Variants in PHF12 observed in about 807,000 individuals in gnomAD.
PHF12 encodes PHD factor 1.
In PHF12, 6 loss-of-function variants were observed where a neutral mutation model predicts 99.8. The ratio of observed to expected loss-of-function variants is 0.06; its 90% CI spans 0.03 to 0.12. The LOEUF is 0.12. Among genes scored for constraint, PHF12 ranks in the 10% least tolerant of loss-of-function variants. The pLI is 1.00. For missense variants in PHF12, 954 were observed against 1,300.1 expected (o/e 0.73, Z 4.09); for synonymous variants, 480 against 514.9 (o/e 0.93, Z 0.92).
rs955237851 is a variant in PHF12 at position 28,906,716 on chromosome 17, T to A, written c.2680+140A>T. 2.9e-6 allele frequency: 4 copies of A among 1,359,330 alleles called. No homozygotes were observed. In the African/African-American group the frequency reaches 5.8e-5, roughly 20 times the overall value. 84.2% of individuals were successfully genotyped at this position (1,359,330 alleles called of 1,614,324 possible). A position where few individuals can be genotyped will look rare whatever the true frequency, so the allele number is the denominator to read the frequency against. ...TGGGGGTACTCAGCACTTGCTTCTC[T>A]GTGGCCTGCCCTGGGCCCACGAGGA... On this transcript the variant is annotated intron_variant, in intron 14 of 14. Coordinates refer to ENST00000332830, the MANE Select transcript of PHF12 (RefSeq NM_001033561.2). The surrounding 1 kb of genome is among the most constrained non-coding windows in gnomAD (Gnocchi z 4.2).
chr17:28,934,323 G>A (rs1473678674), intron 2 of PHF12, among the ~76,000 whole-genome samples: 1 of 152,144 alleles, frequency 6.6e-6, no homozygotes, highest in East Asian at 1.9e-4. Flanking sequence ...TTGGACATTT[G>A]GTACCTGAAG....
At chr17:28,927,689 C>G (rs2040309003) in intron 2 of PHF12, 1 of 152,508 alleles carries the variant, frequency 6.6e-6, no homozygotes, top group African/African-American at 2.4e-5. Context: ...GACAATGTTG[C>G]AACTTCCAAA....
At chr17:28,907,492 T>A in intron 13 of PHF12, 98 bp downstream of exon 13, 3 of 1,202,136 alleles carry the variant, frequency 2.5e-6, no homozygotes, top group Non-Finnish European at 3.6e-6. Flanking sequence ...GGACCCCCAA[T>A]CCCTCTTCCC....
intron 2 of PHF12, chr17:28,928,312 CTGTACCAGGCCAATGAGTTTT>C (rs2040323394): frequency 6.6e-6 from 1 of 152,252 alleles, no homozygotes; most frequent in Non-Finnish European, 1.5e-5. Context: ...TAATGAGTTT[CTGTACCAGGCCAATGAGTTTT>C]GGCGTAGTTT....
intron 12 of PHF12, chr17:28,908,565 C>T (rs1277531535): frequency 5.4e-6 from 3 of 552,056 alleles, no homozygotes; most frequent in East Asian, 5.9e-5. Context: ...AGTGTTCCTC[C>T]TGCCTTGTCC....
chr17:28,950,930 C>G lies in PHF12; in HGVS notation c.31G>C (p.Val11Leu). ...CCCCCTGATGTGTCCAAGTCGTACA[C>G]GATCGTCTTGGTCTCCATTTTCTCC... MWEKMETKTI[V>L]YDLDTSGGLM... The change falls in exon 1 of 15, where the codon GTG becomes CTG. Residue 11 changes from valine to leucine, a missense_variant. This residue lies in a region of PHF12 where 66 missense variants were observed against 69.4 expected (regional missense o/e 0.95). Transcript: ENST00000332830. The surrounding 1 kb of genome is among the most constrained non-coding windows in gnomAD (Gnocchi z 5.7). 1 of 1,614,056 alleles carries G rather than the reference C, an allele frequency of 6.2e-7. No homozygotes were observed. The highest frequency in any genetic ancestry group is 8.5e-7 in the Non-Finnish European group (1 of 1,179,952).
At position 28,951,293 on chromosome 17, in the gene PHF12, T is replaced by A. The variant is rs1033171408; in HGVS notation, c.-333A>T. The A allele has an allele frequency of 5.4e-6, 6 of 1,105,582 alleles. No homozygotes were observed. The South Asian group carries it at 1.4e-4, about 25-fold the overall frequency. 68.5% of individuals were successfully genotyped at this position (1,105,582 alleles called of 1,614,324 possible). On this transcript the variant is annotated 5_prime_UTR_variant, in exon 1 of 15. Coordinates refer to ENST00000332830, the MANE Select transcript of PHF12 (RefSeq NM_001033561.2). ...CGACAGCCGGTCCGGCCGGGAAGGC[T>A]GGCGGGCGCTGCCATCCCGGGGCTG...
Position 28,913,993 on chromosome 17 carries a change from G to A in PHF12, c.1179C>T (p.Leu393=). Residue 393 remains leucine, a synonymous_variant, in exon 8 of 15, where the codon CTC becomes CTT. Transcript: ENST00000332830. ...CGTCCCGAATGGCCGCGGGTGCAAT[G>A]AGAGGGGGTGGAAACTGGTACTGAG... ...IKSQYQFPPP[L]IAPAAIRDGE... is the part of the protein sequence containing the mutation. The A allele has an allele frequency of 1.9e-6, 3 of 1,613,624 alleles. No homozygotes were observed. The highest frequency in any genetic ancestry group is 2.5e-6 in the Non-Finnish European group (3 of 1,179,564).
intron 2 of PHF12, among the ~76,000 whole-genome samples, chr17:28,931,268 T>C (rs1458630894): frequency 6.6e-6 from 1 of 151,526 alleles, no homozygotes; most frequent in African/African-American, 2.4e-5. Flanking sequence ...TTTTTTTTTT[T>C]TTTTTGAGAC....
chr17:28,917,523 G>C, intron 6 of PHF12, 74 bp from the exon 7 acceptor site: 1 of 1,492,682 alleles, frequency 6.7e-7, no homozygotes, highest in South Asian at 1.4e-5. Context: ...CCCATTCCCT[G>C]TGTTTAAAAA....
rs2040170814 is a variant in PHF12 at position 28,921,774 on chromosome 17, T to C, written c.750A>G (p.Thr250=). ...SSKRRRKEET[T]GKNVKKTQHE... Reference sequence around the variant, plus strand: ...GCTGTGTCTTCTTAACATTTTTCCCTGTGGTTTCCTCCTTTCTTCTCCTCT... The same window carrying C: ...GCTGTGTCTTCTTAACATTTTTCCCCGTGGTTTCCTCCTTTCTTCTCCTCT... The change falls in exon 5 of 15, where the codon ACA becomes ACG. Residue 250 remains threonine (T), a synonymous_variant. Coordinates refer to ENST00000332830, the MANE Select transcript of PHF12 (RefSeq NM_001033561.2). 3 of 1,614,060 alleles carry C rather than the reference T, an allele frequency of 1.9e-6. No individual in the cohort carries two copies. The African/African-American group carries it at 4.0e-5, about 22-fold the overall frequency.
intron 2 of PHF12, among the ~76,000 whole-genome samples, chr17:28,938,381 C>G (rs1296844421): frequency 6.6e-6 from 1 of 152,154 alleles, no homozygotes; most frequent in African/African-American, 2.4e-5. Context: ...AGGCAGGCAC[C>G]ACCACACCCG....
rs952920042 is a variant in PHF12 at position 28,950,806 on chromosome 17, C to A, written c.66+89G>T. On this transcript the variant is annotated intron_variant, in intron 1 of 14. Transcript: ENST00000332830. This position sits in a 1 kb window ranked among gnomAD's most constrained non-coding sequence, Gnocchi z 5.7. ...AATCCCCCTCCCTCGGCCATCTAGG[C>A]GCTTCGAGTTTAGGACTGGCTTTGT... The A allele has an allele frequency of 4.6e-5, 71 of 1,545,564 alleles. No individual in the cohort carries two copies. Among genetic ancestry groups the A allele is most frequent in the Middle Eastern group, 1.7e-4 (1 of 5,824 alleles).
At chr17:28,929,152 A>G (rs1453259812) in intron 2 of PHF12, among the ~76,000 whole-genome samples, 2 of 151,456 alleles carry the variant, frequency 1.3e-5, no homozygotes, top group African/African-American at 4.9e-5. Context: ...AGAAATTCCT[A>G]CCATTGAGTT....
intron 10 of PHF12, 140 bp downstream of exon 10, chr17:28,910,972 G>A (rs2039949149): frequency 8.0e-7 from 1 of 1,244,432 alleles, no homozygotes; most frequent in South Asian, 1.5e-5. Context: ...CATCCAAAAG[G>A]ATACTCCTCA....
intron 4 of PHF12, among the ~76,000 whole-genome samples, chr17:28,923,280 G>A (rs541602254): frequency 3.9e-5 from 6 of 152,182 alleles, no homozygotes; most frequent in African/African-American, 1.2e-4. Flanking sequence ...AATGGCAGAC[G>A]GGTGGGAGGG....
intron 6 of PHF12, among the ~76,000 whole-genome samples, chr17:28,918,364 T>C (rs886578690): frequency 1.4e-4 from 21 of 152,180 alleles, no homozygotes; most frequent in Admixed American, 1.3e-3. Flanking sequence ...AGACTAGATT[T>C]TCCTCCTAGA....
In PHF12 at chr17:28,906,526, AAG is replaced by A; in HGVS notation, c.2681-11_2681-10del. The A allele has an allele frequency of 1.9e-6, 3 of 1,590,616 alleles. No homozygotes were observed. The South Asian group carries it at 3.4e-5, about 18-fold the overall frequency. On this transcript the variant is annotated splice_polypyrimidine_tract_variant and intron_variant, in intron 14 of 14. Transcript: ENST00000332830. This position sits in a 1 kb window ranked among gnomAD's most constrained non-coding sequence, Gnocchi z 4.2. ...CTGGTGCCGGCGGCGCCCTGGGAAAAAGGGGGATGGTCACAGAAGAGGAACAG... is the reference window on the plus strand; with the variant it reads ...CTGGTGCCGGCGGCGCCCTGGGAAAAGGGGATGGTCACAGAAGAGGAACAG...
chr17:28,928,932 C>T (rs2040337059), intron 2 of PHF12, among the ~76,000 whole-genome samples: 1 of 151,762 alleles, frequency 6.6e-6, no homozygotes, highest in South Asian at 2.1e-4. Flanking sequence ...CCTGTCTCTA[C>T]TAATAATACA....
Sources: allele counts gnomAD v4.1 joint callset (sites outside exome capture counted in the v4.1 genomes callset), GRCh38; gene constraint gnomAD v4.1.1; regional missense constraint gnomAD v4.1.1; non-coding constraint Gnocchi (gnomAD v3.1); transcripts MANE v1.5; gene names NCBI Gene and HGNC (gene_info 2026-07-23, HGNC 2026-07-21).